AGBL4: variants seen among roughly 807,000 people sequenced by gnomAD.
AGBL4 encodes the protein cytosolic carboxypeptidase 6.
In AGBL4, 58 loss-of-function variants were observed where a neutral mutation model predicts 66.4. The ratio of observed to expected loss-of-function variants is 0.87; its 90% CI spans 0.71 to 1.09. The LOEUF (loss-of-function observed/expected upper bound fraction) is 1.09, where lower values mean the gene tolerates loss of function less well. Among genes scored for constraint, AGBL4 ranks in the 50% least tolerant of loss-of-function variants. The probability of loss-of-function intolerance (pLI) is 0.00; values close to 1 mark genes in which losing one functional copy is unlikely to be tolerated. For missense variants in AGBL4, 579 were observed against 631.0 expected (o/e 0.92, Z 0.88); for synonymous variants, 234 against 222.9 (o/e 1.05, Z -0.44).
At chr1:49,692,090 C>T (rs1427575193) in intron 3 of AGBL4, among the ~76,000 whole-genome samples, 1 of 152,194 alleles carries the variant, frequency 6.6e-6, no homozygotes, top group Non-Finnish European at 1.5e-5. Context: ...TCCCACAACA[C>T]ATGGGAATCA....
chr1:49,967,715 A>T (rs1003953587), intron 1 of AGBL4, among the ~76,000 whole-genome samples: 1 of 152,176 alleles, frequency 6.6e-6, no homozygotes, highest in Non-Finnish European at 1.5e-5. Context: ...AATATGTAAG[A>T]CTATCCTAAC....
At chr1:49,332,925 C>T (rs577931358) in intron 3 of AGBL4, among the ~76,000 whole-genome samples, 2 of 152,284 alleles carry the variant, frequency 1.3e-5, no homozygotes, top group South Asian at 4.1e-4. Context: ...TCTCCAGCAT[C>T]TGTTGTTTCC....
Position 49,069,337 on chromosome 1 carries a change from A to T in AGBL4, c.378-23537T>A, listed in dbSNP as rs192342083. ...TATGTCCTGAATGGTATTGCCTAGG[A>T]TTTCTTCAAGGGTTTTTATGGTTTT... is the stretch of plus-strand genomic sequence containing the variant. On this transcript the variant is annotated intron_variant, in intron 4 of 13. Transcript: ENST00000371839. 3.8e-3 allele frequency among the ~76,000 whole-genome samples: 577 copies of T among 152,094 alleles called. 4 individuals are homozygous for T. Among genetic ancestry groups the T allele is most frequent in the African/African-American group, 0.013 (520 of 41,498 alleles).
At chr1:49,147,561 T>C (rs904737087) in intron 4 of AGBL4, among the ~76,000 whole-genome samples, 3 of 152,148 alleles carry the variant, frequency 2.0e-5, no homozygotes, top group African/African-American at 4.8e-5. Flanking sequence ...GGTCTCTGAA[T>C]TTCCACATAC....
chr1:48,644,852 A>G (rs1645810334), intron 8 of AGBL4, among the ~76,000 whole-genome samples: 1 of 152,230 alleles, frequency 6.6e-6, no homozygotes, highest in East Asian at 1.9e-4. Flanking sequence ...GCACTATTCA[A>G]GCAGTGGTTT....
chr1:49,129,138 T>A (rs567909406), intron 4 of AGBL4, among the ~76,000 whole-genome samples: 28 of 152,014 alleles, frequency 1.8e-4, no homozygotes, highest in African/African-American at 6.0e-4. Flanking sequence ...ATATCCAAAT[T>A]GAAACAACAT....
intron 5 of AGBL4, among the ~76,000 whole-genome samples, chr1:48,889,579 C>G (rs1650715685): frequency 6.6e-6 from 1 of 152,186 alleles, no homozygotes; most frequent in Admixed American, 6.5e-5. Context: ...CGGACTGTCT[C>G]ATTACACTGT....
intron 3 of AGBL4, among the ~76,000 whole-genome samples, chr1:49,472,428 T>C (rs1646763414): frequency 6.6e-6 from 1 of 151,872 alleles, no homozygotes; most frequent in East Asian, 1.9e-4. Flanking sequence ...ATCGAGCAAA[T>C]ATAAACAAGC....
chr1:48,909,760 A>G (rs1652926435), intron 5 of AGBL4, among the ~76,000 whole-genome samples: 2 of 152,218 alleles, frequency 1.3e-5, no homozygotes, highest in African/African-American at 4.8e-5. Context: ...AACACATACC[A>G]TTCTTTTAGT....
intron 3 of AGBL4, among the ~76,000 whole-genome samples, chr1:49,618,009 C>G (rs1645282426): frequency 6.6e-6 from 1 of 152,192 alleles, no homozygotes; most frequent in African/African-American, 2.4e-5. Flanking sequence ...CCCCCAGCCT[C>G]CCAACACCCG....
intron 8 of AGBL4, among the ~76,000 whole-genome samples, chr1:48,644,830 C>T (rs1645809931): frequency 6.6e-6 from 1 of 152,176 alleles, no homozygotes; most frequent in Non-Finnish European, 1.5e-5. Flanking sequence ...AGGATTTTTA[C>T]ACAAAGAACT....
intron 3 of AGBL4, among the ~76,000 whole-genome samples, chr1:49,320,002 G>A (rs1161841174): frequency 6.6e-6 from 1 of 151,974 alleles, no homozygotes; most frequent in African/African-American, 2.4e-5. Context: ...CATTACAGAC[G>A]GTTCACTACA....
intron 6 of AGBL4, among the ~76,000 whole-genome samples, chr1:48,796,624 C>T (rs959545349): frequency 2.0e-5 from 3 of 152,164 alleles, no homozygotes; most frequent in African/African-American, 7.2e-5. Flanking sequence ...TCCTTGAGTA[C>T]CCACGTTCAT....
At chr1:49,620,402 T>C (rs539492312) in intron 3 of AGBL4, among the ~76,000 whole-genome samples, 18 of 152,108 alleles carry the variant, frequency 1.2e-4, no homozygotes, top group Admixed American at 6.5e-5. Context: ...GAAATACATA[T>C]CAAAAGCACA....
chr1:49,620,910 T>C (rs1645347979), intron 3 of AGBL4, among the ~76,000 whole-genome samples: 1 of 152,106 alleles, frequency 6.6e-6, no homozygotes, highest in Non-Finnish European at 1.5e-5. Context: ...TGTATCAGAG[T>C]TATAGCATTA....
At chr1:48,614,163 A>T (rs558529470) in intron 9 of AGBL4, among the ~76,000 whole-genome samples, 2 of 152,334 alleles carry the variant, frequency 1.3e-5, no homozygotes, top group East Asian at 3.9e-4. Context: ...TTTATTTCTT[A>T]TTCTTCTGCT....
chr1:48,929,296 T>C (rs1404785639), intron 5 of AGBL4, among the ~76,000 whole-genome samples: 1 of 152,052 alleles, frequency 6.6e-6, no homozygotes, highest in Non-Finnish European at 1.5e-5. Context: ...ACATCTCAAG[T>C]CTCATCCTCC....
intron 1 of AGBL4, among the ~76,000 whole-genome samples, chr1:50,000,332 C>T (rs1660655800): frequency 6.6e-6 from 1 of 152,154 alleles, no homozygotes; most frequent in Admixed American, 6.5e-5. Flanking sequence ...TTCAGTGTCA[C>T]TAATGAGCAA....
intron 3 of AGBL4, among the ~76,000 whole-genome samples, chr1:49,377,728 G>A (rs1644501163): frequency 6.6e-6 from 1 of 152,058 alleles, no homozygotes; most frequent in Non-Finnish European, 1.5e-5. Flanking sequence ...AAGAAGCAAT[G>A]CAAAGAGGGC....
Sources: allele counts gnomAD v4.1 joint callset (sites outside exome capture counted in the v4.1 genomes callset), GRCh38; gene constraint gnomAD v4.1.1; transcripts MANE v1.5; gene names NCBI Gene and HGNC (gene_info 2026-07-23, HGNC 2026-07-21).